The following BCAS4 variants were observed in gnomAD, a reference collection of about 807,000 sequenced individuals.
BCAS4 encodes breast carcinoma-amplified sequence 4.
A neutral mutation model predicts 15.7 loss-of-function variants in BCAS4; 9 were observed. That is an observed-to-expected ratio of 0.57 (90% CI 0.34 to 1.00). The LOEUF (loss-of-function observed/expected upper bound fraction) is 1.00. BCAS4 is among the 50% of genes least tolerant of loss of function. The pLI is 0.02. For missense variants in BCAS4, 225 were observed against 239.1 expected, an observed-to-expected ratio of 0.94 and a Z score of 0.39; for synonymous variants, 101 against 99.5, an observed-to-expected ratio of 1.02 and a Z score of -0.09.
In BCAS4 at chr20:50,798,953, T is replaced by C. The variant is rs143898374; in HGVS notation, c.90+3780T>C. Among the ~76,000 whole-genome samples, 1,150 of 152,330 alleles carry C rather than the reference T, an allele frequency of 7.5e-3. 16 individuals are homozygous for C. The highest frequency in any genetic ancestry group is 0.026 in the African/African-American group (1,081 of 41,572). On this transcript the variant is annotated intron_variant, in intron 1 of 4. Transcript: ENST00000371608. ...CTTCATGTGGATGGACCGTAATTTA[T>C]GAATCATTCATAAATGGTTCAGGGC...
At chr20:50,855,149 G>C (rs979572035) in intron 4 of BCAS4, among the ~76,000 whole-genome samples, 1 of 152,176 alleles carries the variant, frequency 6.6e-6, no homozygotes, top group African/African-American at 2.4e-5. Context: ...CTTGACCACT[G>C]GGGGAGGGGC....
rs771432981 is a variant in BCAS4, at chr20:50,876,784, T to C, written c.*176T>C. On this transcript the variant is annotated 3_prime_UTR_variant, in exon 5 of 5. Coordinates refer to ENST00000371608, the MANE Select transcript of BCAS4 (RefSeq NM_198799.4). ...ATCTCAAACTCCTGGGCTCAAGTGATCCACCCACCTTGGCCTTCCAAAGTG... is the reference window on the plus strand; with the variant it reads ...ATCTCAAACTCCTGGGCTCAAGTGACCCACCCACCTTGGCCTTCCAAAGTG... 2 of 804,748 alleles carry C rather than the reference T, an allele frequency of 2.5e-6. No individual in the cohort carries two copies. The highest frequency in any genetic ancestry group is 3.4e-6 in the Non-Finnish European group (2 of 594,012). 49.9% of individuals were successfully genotyped at this position (804,748 alleles called of 1,614,324 possible).
intron 4 of BCAS4, among the ~76,000 whole-genome samples, chr20:50,844,807 C>G (rs940659684): frequency 6.6e-6 from 1 of 152,162 alleles, no homozygotes; most frequent in Admixed American, 6.5e-5. Flanking sequence ...CTCCGCCACA[C>G]TGGGCCTTGC....
chr20:50,836,596 G>A (rs571869984), intron 3 of BCAS4, among the ~76,000 whole-genome samples: 3 of 152,344 alleles, frequency 2.0e-5, no homozygotes, highest in Admixed American at 1.3e-4. Flanking sequence ...GGTGACTAGA[G>A]TGTCAGTGGC....
At chr20:50,826,431 A>T (rs1174473972) in intron 2 of BCAS4, among the ~76,000 whole-genome samples, 1 of 152,220 alleles carries the variant, frequency 6.6e-6, no homozygotes, top group Non-Finnish European at 1.5e-5. Flanking sequence ...CTGACTTAAG[A>T]GAAGCTGTAG....
At chr20:50,842,008 C>A in intron 4 of BCAS4, 108 bp downstream of exon 4, 2 of 1,352,498 alleles carry the variant, frequency 1.5e-6, no homozygotes, top group Non-Finnish European at 2.0e-6. Flanking sequence ...GGGCACATTT[C>A]ACTTCTGCAG....
At chr20:50,875,860 A>G (rs1266493761) in intron 4 of BCAS4, 6 of 436,236 alleles carry the variant, frequency 1.4e-5, no homozygotes, top group Non-Finnish European at 2.7e-5. Context: ...CAGAGCTGTC[A>G]CGTGTCGGTA....
intron 1 of BCAS4, among the ~76,000 whole-genome samples, chr20:50,803,913 C>T (rs2087959348): frequency 1.3e-5 from 2 of 151,938 alleles, no homozygotes; most frequent in African/African-American, 4.8e-5. Context: ...TATAAAAGCT[C>T]TCCAGGAGGA....
intron 4 of BCAS4, among the ~76,000 whole-genome samples, chr20:50,860,822 CA>C (rs1166368175): frequency 1.3e-5 from 2 of 152,010 alleles, no homozygotes; most frequent in African/African-American, 4.8e-5. Flanking sequence ...TGCAGTGAGC[CA>C]AGATCATGCC....
intron 1 of BCAS4, 45 bp from the exon 2 acceptor site, chr20:50,818,166 C>A: frequency 6.3e-7 from 1 of 1,591,140 alleles, no homozygotes; most frequent in Non-Finnish European, 8.6e-7. Flanking sequence ...TGTTTGTCTC[C>A]CTGGAAACCA....
chr20:50,831,014 A>G (rs866774447), intron 3 of BCAS4, among the ~76,000 whole-genome samples: 93 of 152,316 alleles, frequency 6.1e-4, no homozygotes, highest in African/African-American at 2.0e-3. Context: ...TATACAATGT[A>G]TACACGCCTA....
At chr20:50,872,680 C>T (rs1979717413) in intron 4 of BCAS4, among the ~76,000 whole-genome samples, 1 of 152,230 alleles carries the variant, frequency 6.6e-6, no homozygotes, top group South Asian at 2.1e-4. Context: ...CTCTCCAAGA[C>T]TGTGTTTTGG....
At chr20:50,839,489 A>G (rs2088450916) in intron 3 of BCAS4, among the ~76,000 whole-genome samples, 1 of 152,118 alleles carries the variant, frequency 6.6e-6, no homozygotes, top group South Asian at 2.1e-4. Flanking sequence ...TAAGCACTCT[A>G]CTTGTTGAAT....
intron 4 of BCAS4, among the ~76,000 whole-genome samples, chr20:50,871,231 C>T (rs1030402451): frequency 3.9e-5 from 6 of 152,334 alleles, no homozygotes; most frequent in African/African-American, 1.2e-4. Flanking sequence ...AGCTCCAGTG[C>T]TCCCTCCCTC....
intron 4 of BCAS4, among the ~76,000 whole-genome samples, chr20:50,850,304 G>T (rs1055705665): frequency 3.3e-5 from 5 of 152,338 alleles, no homozygotes; most frequent in African/African-American, 1.2e-4. Flanking sequence ...GCTCAGAGGG[G>T]GCTCTTCACT....
At chr20:50,818,024 C>T (rs905784090) in intron 1 of BCAS4, among the ~76,000 whole-genome samples, 187 bp from the exon 2 acceptor site, 4 of 151,848 alleles carry the variant, frequency 2.6e-5, no homozygotes, top group Non-Finnish European at 5.9e-5. Flanking sequence ...TTAACCAGTC[C>T]TCCGTGATGG....
At chr20:50,803,719 C>T (rs1408596469) in intron 1 of BCAS4, among the ~76,000 whole-genome samples, 5 of 151,058 alleles carry the variant, frequency 3.3e-5, no homozygotes, top group Non-Finnish European at 5.9e-5. Context: ...GTGGCACACA[C>T]CTGTAGTCCC....
intron 1 of BCAS4, among the ~76,000 whole-genome samples, chr20:50,806,717 T>G (rs566406588): frequency 2.6e-4 from 39 of 151,844 alleles, no homozygotes; most frequent in African/African-American, 5.8e-4. Context: ...TTTTAATTTT[T>G]GGGGGTATAT....
intron 2 of BCAS4, among the ~76,000 whole-genome samples, chr20:50,823,773 G>C (rs1436732433): frequency 6.6e-6 from 1 of 152,162 alleles, no homozygotes; most frequent in Non-Finnish European, 1.5e-5. Flanking sequence ...GGTGGTATAA[G>C]TCAGGTAGTG....
Sources: gnomAD v4.1 joint callset for allele counts (sites outside exome capture counted in the v4.1 genomes callset) on GRCh38, gnomAD v4.1.1 for gene constraint, MANE v1.5 for transcripts, NCBI Gene and HGNC (gene_info 2026-07-23, HGNC 2026-07-21) for gene names.